The following TMEM47 variants were observed in gnomAD, a reference collection of about 807,000 sequenced individuals.
TMEM47 encodes the protein brain cell membrane protein 1.
In TMEM47, 3 loss-of-function variants were observed where a neutral mutation model predicts 12.4. The ratio of observed to expected loss-of-function variants is 0.24; its 90% CI spans 0.11 to 0.63. TMEM47 has a LOEUF of 0.63. Among genes scored for constraint, TMEM47 ranks in the 20% least tolerant of loss-of-function variants. TMEM47 has a pLI of 0.86. For missense variants in TMEM47, 89 were observed against 143.8 expected, an observed-to-expected ratio of 0.62 and a Z score of 1.95; for synonymous variants, 62 against 63.3, an observed-to-expected ratio of 0.98 and a Z score of 0.10.
chrX:34,653,357 T>C (rs1417435025), intron 1 of TMEM47, among the ~76,000 whole-genome samples: 3 of 98,745 alleles, frequency 3.0e-5, no homozygotes, highest in Admixed American at 1.2e-4. Context: ...TTTGATCAAG[T>C]ATTTTGGGAT....
chrX:34,640,801 C>A (rs895579391), intron 1 of TMEM47, among the ~76,000 whole-genome samples: 1 of 111,546 alleles, frequency 9.0e-6, no homozygotes, highest in Non-Finnish European at 1.9e-5. Flanking sequence ...CTGTCTCAAG[C>A]ATCCTCTTCC....
In TMEM47 at chrX:34,649,808, C is replaced by G. The variant is rs137922018; in HGVS notation, c.226+6996G>C. 3.7e-3 allele frequency among the ~76,000 whole-genome samples: 419 copies of G among 111,910 alleles called. 2 individuals carry two copies. Among genetic ancestry groups the G allele is most frequent in the African/African-American group, 0.013 (395 of 30,812 alleles). ...TGGCACGATCTCGGCTCACTGCAACCTCTGCCTCCCGGGTTCAAGCGATTC... is the reference window on the plus strand; with the variant it reads ...TGGCACGATCTCGGCTCACTGCAACGTCTGCCTCCCGGGTTCAAGCGATTC... On this transcript the variant is annotated intron_variant, in intron 1 of 2. Coordinates refer to ENST00000275954, the MANE Select transcript of TMEM47 (RefSeq NM_031442.4).
chrX:34,633,859 A>G (rs1427883692), intron 2 of TMEM47, among the ~76,000 whole-genome samples: 1 of 111,728 alleles, frequency 9.0e-6, no homozygotes, highest in Non-Finnish European at 1.9e-5. Flanking sequence ...TTAGACTTTT[A>G]TTGTGTTGGA....
At chrX:34,642,346 G>C (rs1359005137) in intron 1 of TMEM47, among the ~76,000 whole-genome samples, 1 of 112,610 alleles carries the variant, frequency 8.9e-6, no homozygotes, top group Admixed American at 9.4e-5. Context: ...AGTGCAAAGT[G>C]ATGCTTAACC....
intron 1 of TMEM47, among the ~76,000 whole-genome samples, chrX:34,653,516 T>C (rs1569165212): frequency 8.9e-6 from 1 of 111,864 alleles, no homozygotes; most frequent in African/African-American, 3.2e-5. Context: ...AGCTATGTAT[T>C]TATACATTTT....
intron 2 of TMEM47, among the ~76,000 whole-genome samples, chrX:34,632,384 C>T (rs1389143710): frequency 1.8e-5 from 2 of 111,630 alleles, no homozygotes; most frequent in African/African-American, 6.5e-5. Context: ...AATGTACTCT[C>T]ATCTATTTTT....
Position 34,630,145 on chromosome X carries a change from G to T in TMEM47, c.*168C>A. 4.6e-6 allele frequency: 2 copies of T among 434,936 alleles called. No homozygotes were observed. Among genetic ancestry groups the T allele is most frequent in the Non-Finnish European group, 7.6e-6 (2 of 261,868 alleles). The allele number at this position is 434,936 out of a possible 1,213,427, so 35.8% of individuals were successfully genotyped here. A position where few individuals can be genotyped will look rare whatever the true frequency, so the allele number is the denominator to read the frequency against. On this transcript the variant is annotated 3_prime_UTR_variant, in exon 3 of 3. Coordinates refer to ENST00000275954, the MANE Select transcript of TMEM47 (RefSeq NM_031442.4). ...ATTTGTGCAGATTTCTAAAATGGAT[G>T]TAAAAGCTGGTTATGATGTTGACAG... is the stretch of plus-strand genomic sequence containing the variant.
chrX:34,641,005 A>G (rs919301359), intron 1 of TMEM47, among the ~76,000 whole-genome samples: 1 of 111,189 alleles, frequency 9.0e-6, no homozygotes, highest in Non-Finnish European at 1.9e-5. Context: ...AACTTCAAAC[A>G]AAAGTAGATC....
chrX:34,645,444 C>T (rs1282907570), intron 1 of TMEM47, among the ~76,000 whole-genome samples: 2 of 112,060 alleles, frequency 1.8e-5, no homozygotes, highest in Non-Finnish European at 3.8e-5. Flanking sequence ...GAATGGAATG[C>T]TATTTTGTGT....
At chrX:34,642,905 T>G (rs764379361) in intron 1 of TMEM47, among the ~76,000 whole-genome samples, 1 of 111,980 alleles carries the variant, frequency 8.9e-6, no homozygotes, top group African/African-American at 3.2e-5. Flanking sequence ...TCAGGCCAGT[T>G]GCCCAGCACC....
chrX:34,640,111 T>C (rs1921789151), intron 1 of TMEM47, among the ~76,000 whole-genome samples: 1 of 112,061 alleles, frequency 8.9e-6, no homozygotes, highest in East Asian at 2.8e-4. Context: ...CAAATTAGCA[T>C]CAGGAATATT....
chrX:34,654,203 A>C (rs1439404992), intron 1 of TMEM47, among the ~76,000 whole-genome samples: 1 of 112,364 alleles, frequency 8.9e-6, no homozygotes, highest in African/African-American at 3.2e-5. Flanking sequence ...AACTGGGTCT[A>C]AGTAGGGCAT....
intron 1 of TMEM47, among the ~76,000 whole-genome samples, chrX:34,656,395 C>T (rs1348363453): frequency 9.1e-6 from 1 of 109,341 alleles, no homozygotes; most frequent in East Asian, 2.9e-4. Context: ...GAAGACCGAA[C>T]AGCGAACCCC....
At chrX:34,641,238 A>G (rs1314128699) in intron 1 of TMEM47, among the ~76,000 whole-genome samples, 1 of 111,785 alleles carries the variant, frequency 8.9e-6, no homozygotes, top group Non-Finnish European at 1.9e-5. Context: ...CTGAATTAAA[A>G]AAATCAAAGT....
At chrX:34,638,257 G>T (rs1921751245) in intron 2 of TMEM47, among the ~76,000 whole-genome samples, 2 of 111,605 alleles carry the variant, frequency 1.8e-5, no homozygotes, top group Non-Finnish European at 3.8e-5. Context: ...TGAATTAGAT[G>T]TACTTCTGGA....
intron 1 of TMEM47, among the ~76,000 whole-genome samples, chrX:34,653,388 T>C (rs772761888): frequency 8.9e-6 from 1 of 112,027 alleles, no homozygotes; most frequent in Non-Finnish European, 1.9e-5. Flanking sequence ...AAAATGAATT[T>C]GTTATATCCC....
Position 34,656,894 on chromosome X carries a change from C to A in TMEM47, c.136G>T (p.Ala46Ser). The change falls in exon 1 of 3, where the codon GCT becomes TCT. Residue 46 changes from alanine to serine, a missense_variant. By Grantham distance (99) the Ala-to-Ser change is moderately conservative. Coordinates refer to ENST00000275954, the MANE Select transcript of TMEM47 (RefSeq NM_031442.4). The part of the protein sequence containing the change: ...GAVLSPAWVT[A>S]DHQYYLSLWE... The stretch of plus-strand genomic sequence containing the variant: ...AACGACAGGTAGTACTGGTGGTCAG[C>A]TGTGACCCAGGCCGGGCTCAGCACC... 2 of 1,178,143 alleles carry A rather than the reference C, an allele frequency of 1.7e-6. No homozygotes were observed. The highest frequency in any genetic ancestry group is 3.2e-5 in the East Asian group (1 of 31,655).
In TMEM47 at chrX:34,635,200, C is replaced by T. The variant is rs1179709800; in HGVS notation, c.367+4047G>A. ...GCTCCAAATTTGGTGCATTAATACT[C>T]CAGCTCCGTAGTCCTCTGAATGAGA... On this transcript the variant is annotated intron_variant, in intron 2 of 2. Transcript: ENST00000275954. Among the ~76,000 whole-genome samples, 4 of 111,654 alleles carry T rather than the reference C, an allele frequency of 3.6e-5. No homozygotes were observed. In the Admixed American group the frequency reaches 3.8e-4, roughly 11 times the overall value.
chrX:34,641,292 A>C (rs895181349), intron 1 of TMEM47, among the ~76,000 whole-genome samples: 5 of 111,360 alleles, frequency 4.5e-5, no homozygotes, highest in African/African-American at 1.6e-4. Context: ...AAATCCATCC[A>C]TCCATCCATC....
Sources: gnomAD v4.1 joint callset for allele counts (sites outside exome capture counted in the v4.1 genomes callset) on GRCh38, gnomAD v4.1.1 for gene constraint, MANE v1.5 for transcripts, NCBI Gene and HGNC (gene_info 2026-07-23, HGNC 2026-07-21) for gene names.